DGKB: variants seen among roughly 807,000 people sequenced by gnomAD.
DGKB encodes the protein 90 kDa diacylglycerol kinase.
In DGKB, 67 loss-of-function variants were observed where a neutral mutation model predicts 114.3. The observed-to-expected ratio is 0.59, with a 90% CI of 0.48 to 0.72. The LOEUF is 0.72. DGKB is among the 30% of genes least tolerant of loss of function. DGKB has a pLI of 0.00. For missense variants in DGKB, 907 were observed against 975.2 expected (o/e 0.93, Z 0.93); for synonymous variants, 398 against 323.1 (o/e 1.23, Z -2.49).
intron 4 of DGKB, among the ~76,000 whole-genome samples, chr7:14,753,660 C>A (rs1834439769): frequency 1.3e-5 from 2 of 152,060 alleles, no homozygotes; most frequent in Admixed American, 1.3e-4. Flanking sequence ...AAAATAAATT[C>A]CAGAGTCTAC....
In DGKB at chr7:14,152,080, C is replaced by A. The variant is rs148538985; in HGVS notation, c.2305-2842G>T. On this transcript the variant is annotated intron_variant, in intron 25 of 25. Coordinates refer to ENST00000402815, the MANE Select transcript of DGKB (RefSeq NM_001350709.2). Reference sequence around the variant, plus strand: ...AGGGCCTGTAATTATGACTCTGATGCCTGTTTTGTATACATTGAACATTCT... The same window carrying A: ...AGGGCCTGTAATTATGACTCTGATGACTGTTTTGTATACATTGAACATTCT... 1.7e-3 allele frequency among the ~76,000 whole-genome samples: 256 copies of A among 151,984 alleles called. 1 individual carries two copies. Among genetic ancestry groups the A allele is most frequent in the African/African-American group, 6.0e-3 (248 of 41,490 alleles).
intron 23 of DGKB, among the ~76,000 whole-genome samples, chr7:14,314,176 T>G (rs906489202): frequency 6.6e-6 from 1 of 151,728 alleles, no homozygotes; most frequent in Admixed American, 6.6e-5. Flanking sequence ...ACCACAAAGA[T>G]GGGGAAAAAA....
chr7:14,670,517 G>A (rs559602282), intron 13 of DGKB, among the ~76,000 whole-genome samples: 1 of 151,858 alleles, frequency 6.6e-6, no homozygotes, highest in African/African-American at 2.4e-5. Context: ...TTGGCCAGGG[G>A]GGGTCTTGAA....
intron 1 of DGKB, among the ~76,000 whole-genome samples, chr7:14,914,661 T>A (rs553272215): frequency 6.6e-6 from 1 of 151,826 alleles, no homozygotes; most frequent in Non-Finnish European, 1.5e-5. Flanking sequence ...AAAGCAAGCA[T>A]CAGAACTAGA....
intron 2 of DGKB, among the ~76,000 whole-genome samples, chr7:14,778,742 A>T (rs527861233): frequency 4.6e-5 from 7 of 152,264 alleles, no homozygotes; most frequent in Non-Finnish European, 1.0e-4. Context: ...TGACCCTTAT[A>T]GATAACCAAG....
At chr7:14,887,590 T>C (rs1212315714) in intron 1 of DGKB, among the ~76,000 whole-genome samples, 1 of 151,712 alleles carries the variant, frequency 6.6e-6, no homozygotes, top group Middle Eastern at 3.2e-3. Flanking sequence ...ACATCATCAC[T>C]TGGAGATCTT....
At chr7:14,343,182 C>T (rs1811904586) in intron 22 of DGKB, among the ~76,000 whole-genome samples, 1 of 151,148 alleles carries the variant, frequency 6.6e-6, no homozygotes, top group Non-Finnish European at 1.5e-5. Flanking sequence ...CACACACACA[C>T]ACACACACAC....
chr7:14,580,292 TA>T (rs1178967389), intron 19 of DGKB, among the ~76,000 whole-genome samples: 131 of 152,334 alleles, frequency 8.6e-4, no homozygotes, highest in Admixed American at 3.3e-3. Flanking sequence ...TCTTTCCCTA[TA>T]ATGATCATCT....
At chr7:14,908,861 A>G (rs1783843486) in intron 1 of DGKB, among the ~76,000 whole-genome samples, 1 of 152,152 alleles carries the variant, frequency 6.6e-6, no homozygotes, top group East Asian at 1.9e-4. Context: ...TGTTGAAAAA[A>G]CAGATGCTAT....
chr7:14,228,523 A>G (rs1046717593), intron 23 of DGKB, among the ~76,000 whole-genome samples: 3 of 151,926 alleles, frequency 2.0e-5, no homozygotes, highest in African/African-American at 7.2e-5. Context: ...AGCTGTTTAT[A>G]GTACACACAC....
At chr7:14,798,261 C>T (rs1030407204) in intron 2 of DGKB, among the ~76,000 whole-genome samples, 1 of 152,134 alleles carries the variant, frequency 6.6e-6, no homozygotes, top group African/African-American at 2.4e-5. Flanking sequence ...TGGGTTTTTA[C>T]CAGGGACCTG....
intron 1 of DGKB, among the ~76,000 whole-genome samples, chr7:14,972,245 T>A (rs1181826546): frequency 6.6e-6 from 1 of 152,058 alleles, no homozygotes; most frequent in African/African-American, 2.4e-5. Flanking sequence ...CTAGTAAAAA[T>A]CTCCATTTTA....
At chr7:14,169,089 G>A (rs1340489508) in intron 25 of DGKB, among the ~76,000 whole-genome samples, 6 of 151,904 alleles carry the variant, frequency 3.9e-5, no homozygotes, top group Non-Finnish European at 8.8e-5. Context: ...GCCGGGTGCA[G>A]TGGCTCACGC....
At chr7:14,586,613 A>C (rs1800812399) in intron 17 of DGKB, among the ~76,000 whole-genome samples, 1 of 152,136 alleles carries the variant, frequency 6.6e-6, no homozygotes. Flanking sequence ...AGGAGAAGTC[A>C]ATGCCTGGCC....
At chr7:14,368,375 C>G (rs1317371194) in intron 21 of DGKB, among the ~76,000 whole-genome samples, 1 of 152,092 alleles carries the variant, frequency 6.6e-6, no homozygotes, top group Non-Finnish European at 1.5e-5. Flanking sequence ...GTTCCACCAA[C>G]TCATCCAGAT....
rs991782312 is a variant in DGKB, at chr7:14,550,401, G to C, written c.1770+23811C>G. ...TGAGGTAAAATTATCAAATATTTGA[G>C]ATTAAGAATCTTTTTGTGATTGGTA... is the stretch of plus-strand genomic sequence containing the variant. On this transcript the variant is annotated intron_variant, in intron 20 of 25. Transcript: ENST00000402815. Among the ~76,000 whole-genome samples the C allele has an allele frequency of 3.9e-5, 6 of 152,098 alleles. 1 individual carries two copies. The highest frequency in any genetic ancestry group is 1.4e-4 in the African/African-American group (6 of 41,436).
At chr7:14,783,158 A>C (rs975844889) in intron 2 of DGKB, among the ~76,000 whole-genome samples, 1 of 152,216 alleles carries the variant, frequency 6.6e-6, no homozygotes, top group African/African-American at 2.4e-5. Flanking sequence ...AGTAATAAAC[A>C]TATAGTAACA....
In DGKB at chr7:14,606,599, T is replaced by TA. The variant is rs1334962099; in HGVS notation, c.1433+834dup. Among the ~76,000 whole-genome samples the TA allele has an allele frequency of 4.8e-3, 713 of 148,582 alleles. 4 individuals carry two copies. Among genetic ancestry groups the TA allele is most frequent in the African/African-American group, 8.9e-3 (364 of 40,800 alleles). Reference sequence around the variant, plus strand: ...AATTTTAAATCAACTGCCTTTTTTTTAAAAAAAAAAAATGAAGCATGCATA... The same window carrying TA: ...AATTTTAAATCAACTGCCTTTTTTTTAAAAAAAAAAAAATGAAGCATGCATA... On this transcript the variant is annotated intron_variant, in intron 17 of 25. Transcript: ENST00000402815.
In DGKB at chr7:14,279,387, A is replaced by C. The variant is rs1052066875; in HGVS notation, c.2122+59128T>G. On this transcript the variant is annotated intron_variant, in intron 23 of 25. Transcript: ENST00000402815. ...AACTGGGTGGAGCCCACCACAGCTC[A>C]AGGAGGCCTGCCTGCCTCTGTAGGC... Among the ~76,000 whole-genome samples, 157 of 152,232 alleles carry C rather than the reference A, an allele frequency of 1.0e-3. 1 individual carries two copies. Among genetic ancestry groups the C allele is most frequent in the Non-Finnish European group, 7.4e-5 (5 of 68,008 alleles).
Sources: allele counts gnomAD v4.1 joint callset (sites outside exome capture counted in the v4.1 genomes callset), GRCh38; gene constraint gnomAD v4.1.1; transcripts MANE v1.5; gene names NCBI Gene and HGNC (gene_info 2026-07-23, HGNC 2026-07-21).